GSG1L: variants seen among roughly 807,000 people sequenced by gnomAD.
The protein encoded by GSG1L is germ cell-specific gene 1-like protein.
A neutral mutation model predicts 42.1 loss-of-function variants in GSG1L; 24 were observed. That is an observed-to-expected ratio of 0.57 (90% CI 0.41 to 0.80). The LOEUF is 0.80. Among genes scored for constraint, GSG1L ranks in the 30% least tolerant of loss-of-function variants. The pLI is 0.00. For missense variants in GSG1L, 445 were observed against 472.2 expected (o/e 0.94, Z 0.53); for synonymous variants, 215 against 203.5 (o/e 1.06, Z -0.48).
chr16:27,936,264 C>T (rs2084716619), intron 2 of GSG1L, among the ~76,000 whole-genome samples: 1 of 152,130 alleles, frequency 6.6e-6, no homozygotes, highest in Non-Finnish European at 1.5e-5. Context: ...TTTATGTGAC[C>T]CCCTCCAGAT....
At chr16:27,902,931 T>A (rs566526366) in intron 2 of GSG1L, among the ~76,000 whole-genome samples, 4 of 151,824 alleles carry the variant, frequency 2.6e-5, no homozygotes, top group African/African-American at 9.7e-5. Flanking sequence ...ATGCTGCAGC[T>A]GGGAGGTGGC....
intron 5 of GSG1L, among the ~76,000 whole-genome samples, chr16:27,825,403 G>T (rs370120379): frequency 2.0e-5 from 3 of 152,340 alleles, no homozygotes; most frequent in South Asian, 2.1e-4. Flanking sequence ...AGGCATACTG[G>T]CTCATGCCTG....
intron 1 of GSG1L, among the ~76,000 whole-genome samples, chr16:28,020,796 G>A (rs2085833974): frequency 2.0e-5 from 3 of 152,172 alleles, no homozygotes; most frequent in South Asian, 2.1e-4. Flanking sequence ...AAGCAGCCCC[G>A]TGGCAAGGTT....
chr16:28,030,610 T>C (rs182245), intron 1 of GSG1L, among the ~76,000 whole-genome samples: 36,319 of 152,030 alleles, frequency 0.24, 4,565 homozygotes, highest in South Asian at 0.49. Flanking sequence ...CAGTAAAAAT[T>C]TGTCTTTTTG....
At chr16:27,920,814 C>T (rs1307159645) in intron 2 of GSG1L, among the ~76,000 whole-genome samples, 1 of 152,186 alleles carries the variant, frequency 6.6e-6, no homozygotes, top group Non-Finnish European at 1.5e-5. Context: ...CGTGTCCAGA[C>T]AGGGCTGAGC....
chr16:27,950,014 A>G (rs1255440333), intron 2 of GSG1L, among the ~76,000 whole-genome samples: 1 of 152,240 alleles, frequency 6.6e-6, no homozygotes, highest in Non-Finnish European at 1.5e-5. Flanking sequence ...GTGGTTTAGC[A>G]ATGAGGTGCA....
chr16:27,813,917 A>T (rs531442407), intron 5 of GSG1L, among the ~76,000 whole-genome samples: 11 of 152,234 alleles, frequency 7.2e-5, no homozygotes, highest in African/African-American at 2.6e-4. Flanking sequence ...TCTGAATCTC[A>T]GTTTTCTTAT....
At chr16:27,850,023 C>CTCT (rs757750717) in intron 3 of GSG1L, among the ~76,000 whole-genome samples, 23 of 70,074 alleles carry the variant, frequency 3.3e-4, no homozygotes, top group African/African-American at 1.4e-3. Flanking sequence ...TTTGAAATGC[C>CTCT]TTTTTTTTTT....
chr16:27,979,928 A>AGTGT (rs2085307835), intron 1 of GSG1L, among the ~76,000 whole-genome samples: 1 of 152,084 alleles, frequency 6.6e-6, no homozygotes, highest in Non-Finnish European at 1.5e-5. Flanking sequence ...AATGGGAGAA[A>AGTGT]GTGTGTGAAA....
At chr16:27,952,875 G>C (rs1307374920) in intron 2 of GSG1L, among the ~76,000 whole-genome samples, 6 of 152,216 alleles carry the variant, frequency 3.9e-5, no homozygotes, top group Non-Finnish European at 8.8e-5. Context: ...TTAGCACTCA[G>C]ATCAAGAAAC....
intron 1 of GSG1L, among the ~76,000 whole-genome samples, chr16:28,057,195 C>T (rs1156875739): frequency 6.6e-6 from 1 of 152,020 alleles, no homozygotes; most frequent in African/African-American, 2.4e-5. Context: ...GAGTGGGGAA[C>T]GGGGGTGATC....
chr16:27,984,977 C>G (rs748527279), intron 1 of GSG1L, among the ~76,000 whole-genome samples: 2 of 152,058 alleles, frequency 1.3e-5, no homozygotes, highest in Admixed American at 1.3e-4. Flanking sequence ...AGGCTGGTCT[C>G]GAGCTCCTGG....
At position 27,803,800 on chromosome 16, in the gene GSG1L, G is replaced by GATAGAT. The variant is rs965392760; in HGVS notation, c.898+3681_898+3686dup. On this transcript the variant is annotated intron_variant, in intron 6 of 6. Transcript: ENST00000447459. ...ATATATATATATATATATATAGATA[G>GATAGAT]ATAGATATAGATATAGATATAGATA... Among the ~76,000 whole-genome samples, 447 of 74,194 alleles carry GATAGAT rather than the reference G, an allele frequency of 6.0e-3. 1 individual carries two copies. Among genetic ancestry groups the GATAGAT allele is most frequent in the South Asian group, 0.032 (84 of 2,594 alleles). 48.7% of individuals were successfully genotyped at this position (74,194 alleles called of 152,430 possible). A position where few individuals can be genotyped will look rare whatever the true frequency, so the allele number is the denominator to read the frequency against.
intron 1 of GSG1L, among the ~76,000 whole-genome samples, chr16:27,998,790 A>G (rs968038666): frequency 6.6e-6 from 1 of 151,984 alleles, no homozygotes; most frequent in South Asian, 2.1e-4. Flanking sequence ...TTTTTAAAAA[A>G]TAAATCAATA....
At chr16:28,010,002 C>T (rs575597072) in intron 1 of GSG1L, among the ~76,000 whole-genome samples, 3 of 152,264 alleles carry the variant, frequency 2.0e-5, no homozygotes, top group South Asian at 2.1e-4. Context: ...CACACACACC[C>T]GCAAAACACA....
At chr16:27,972,991 T>A (rs545246012) in intron 1 of GSG1L, among the ~76,000 whole-genome samples, 227 of 152,338 alleles carry the variant, frequency 1.5e-3, no homozygotes, top group Admixed American at 2.5e-3. Flanking sequence ...ACTTCTGGAA[T>A]CAGCAGAGCT....
At chr16:28,061,724 G>A (rs1311752959) in intron 1 of GSG1L, among the ~76,000 whole-genome samples, 6 of 152,220 alleles carry the variant, frequency 3.9e-5, no homozygotes, top group Non-Finnish European at 8.8e-5. Flanking sequence ...GTGTGGCAGG[G>A]AGATAAACGC....
rs139666265 is a variant in GSG1L, at chr16:28,046,693, G to A, written c.349+16383C>T. ...CGTGGCCGTCTCTGCTTCCACTCCC[G>A]CATCACCGCTCCCTGGCTCCCAGGC... On this transcript the variant is annotated intron_variant, in intron 1 of 6. Transcript: ENST00000447459. 6.6e-3 allele frequency among the ~76,000 whole-genome samples: 1,009 copies of A among 152,066 alleles called. 9 individuals are homozygous for A. The highest frequency in any genetic ancestry group is 6.8e-3 in the Middle Eastern group (2 of 294).
chr16:28,006,262 A>G (rs2085637028), intron 1 of GSG1L, among the ~76,000 whole-genome samples: 1 of 152,130 alleles, frequency 6.6e-6, no homozygotes, highest in African/African-American at 2.4e-5. Flanking sequence ...GAGCCTCCGG[A>G]ACAAGGCACA....
Sources: gnomAD v4.1 joint callset for allele counts (sites outside exome capture counted in the v4.1 genomes callset) on GRCh38, gnomAD v4.1.1 for gene constraint, MANE v1.5 for transcripts, NCBI Gene and HGNC (gene_info 2026-07-23, HGNC 2026-07-21) for gene names.